PDE4D: variants seen among roughly 807,000 people sequenced by gnomAD.
The protein encoded by PDE4D is 3',5'-cyclic-AMP phosphodiesterase 4D.
Under a neutral mutation model 87.4 loss-of-function variants are expected in PDE4D, and 24 were observed. The ratio of observed to expected loss-of-function variants is 0.27; its 90% CI spans 0.20 to 0.39. PDE4D has a LOEUF of 0.39. Among genes scored for constraint, PDE4D ranks in the 10% least tolerant of loss-of-function variants. The pLI is 1.00. For missense variants in PDE4D, 714 were observed against 1,041.0 expected, an observed-to-expected ratio of 0.69 and a Z score of 4.32; for synonymous variants, 384 against 383.2, an observed-to-expected ratio of 1.00 and a Z score of -0.02.
chr5:60,096,241 C>T (rs753371083), intron 2 of PDE4D, among the ~76,000 whole-genome samples: 5 of 151,802 alleles, frequency 3.3e-5, no homozygotes, highest in Non-Finnish European at 5.9e-5. Context: ...AGAATAGAAG[C>T]CTCAGAAATA....
intron 1 of PDE4D, among the ~76,000 whole-genome samples, chr5:59,878,564 C>T (rs1229561198): frequency 6.6e-6 from 1 of 152,180 alleles, no homozygotes. Context: ...TCGCCCACCT[C>T]GGCCTCCCAA....
At chr5:60,504,108 C>A (rs1312638548) in intron 1 of PDE4D, among the ~76,000 whole-genome samples, 6 of 152,166 alleles carry the variant, frequency 3.9e-5, no homozygotes, top group African/African-American at 1.4e-4. Context: ...ATAAGGGCTT[C>A]CTATCCGACC....
intron 1 of PDE4D, among the ~76,000 whole-genome samples, chr5:60,240,593 C>T (rs1746988988): frequency 6.6e-6 from 1 of 152,120 alleles, no homozygotes; most frequent in South Asian, 2.1e-4. Flanking sequence ...CAGTGCTATG[C>T]TGGCTTCAAG....
intron 1 of PDE4D, chr5:59,430,611 G>T: frequency 2.6e-6 from 1 of 379,488 alleles, no homozygotes; most frequent in Non-Finnish European, 4.6e-6. Context: ...TGTTCATTCT[G>T]TTCATGGATA....
intron 1 of PDE4D, among the ~76,000 whole-genome samples, chr5:59,380,388 C>CAAAAAAAAAAA (rs10574102): frequency 3.7e-5 from 4 of 108,952 alleles, no homozygotes; most frequent in Non-Finnish European, 5.6e-5. Flanking sequence ...CAAAAGCAAT[C>CAAAAAAAAAAA]AAAAAAAAAA....
At chr5:59,985,790 T>G (rs1946682) in intron 3 of PDE4D, among the ~76,000 whole-genome samples, 131,616 of 152,224 alleles carry the variant, frequency 0.86, 56,957 homozygotes, top group East Asian at 0.97. Context: ...GCATACTCAA[T>G]TCTTGCAATT....
intron 1 of PDE4D, among the ~76,000 whole-genome samples, chr5:59,774,201 G>C (rs1212714242): frequency 1.3e-5 from 2 of 152,122 alleles, no homozygotes; most frequent in East Asian, 3.9e-4. Context: ...GTTTAACCTG[G>C]TTTTAATATG....
chr5:60,478,739 C>G (rs1334355346), intron 1 of PDE4D, among the ~76,000 whole-genome samples: 1 of 152,116 alleles, frequency 6.6e-6, no homozygotes, highest in Non-Finnish European at 1.5e-5. Flanking sequence ...AAGCAGACAC[C>G]AGAGGAATAC....
At chr5:59,356,335 C>T (rs1449350000) in intron 1 of PDE4D, among the ~76,000 whole-genome samples, 1 of 152,142 alleles carries the variant, frequency 6.6e-6, no homozygotes, top group Non-Finnish European at 1.5e-5. Context: ...TGAATTACTA[C>T]CTGAAACAGC....
At chr5:59,885,677 AT>A (rs1288909483) in intron 1 of PDE4D, among the ~76,000 whole-genome samples, 2 of 152,082 alleles carry the variant, frequency 1.3e-5, no homozygotes, top group Non-Finnish European at 2.9e-5. Flanking sequence ...ACTTCTCTAA[AT>A]TTACAAAGGG....
intron 1 of PDE4D, among the ~76,000 whole-genome samples, chr5:59,455,765 G>A (rs1229237686): frequency 6.6e-6 from 1 of 152,214 alleles, no homozygotes; most frequent in African/African-American, 2.4e-5. Flanking sequence ...GAGCCACAGG[G>A]GTGGAGCCGC....
At chr5:60,251,906 T>A (rs1422050851) in intron 1 of PDE4D, among the ~76,000 whole-genome samples, 2 of 151,974 alleles carry the variant, frequency 1.3e-5, no homozygotes, top group African/African-American at 4.8e-5. Flanking sequence ...GCTTCATTCA[T>A]GGTAAGTGTC....
intron 6 of PDE4D, among the ~76,000 whole-genome samples, chr5:59,020,997 C>T (rs1272832561): frequency 6.6e-6 from 1 of 152,062 alleles, no homozygotes; most frequent in African/African-American, 2.4e-5. Context: ...TCTAGTTTCC[C>T]CAGGAAGAGA....
At position 59,475,468 on chromosome 5, in the gene PDE4D, A is replaced by G. The variant is rs115659430; in HGVS notation, c.456-259500T>C. 3.6e-3 allele frequency among the ~76,000 whole-genome samples: 541 copies of G among 152,238 alleles called. 5 individuals carry two copies. Among genetic ancestry groups the G allele is most frequent in the African/African-American group, 0.013 (529 of 41,550 alleles). On this transcript the variant is annotated intron_variant, in intron 1 of 14. Transcript: ENST00000340635. The stretch of plus-strand genomic sequence containing the variant: ...TAGTCTTACTTTCACTCTCAAGTCA[A>G]TGTAGGAGATGGCAAGAATTTTTAC...
chr5:59,518,027 C>A (rs920578143), intron 1 of PDE4D, among the ~76,000 whole-genome samples: 1 of 152,116 alleles, frequency 6.6e-6, no homozygotes, highest in Admixed American at 6.6e-5. Flanking sequence ...TGTGCCTAAT[C>A]GTTTTATGAA....
At chr5:59,568,170 CA>C (rs1561225508) in intron 1 of PDE4D, among the ~76,000 whole-genome samples, 1 of 151,964 alleles carries the variant, frequency 6.6e-6, no homozygotes, top group South Asian at 2.1e-4. Context: ...ACAAAACAAA[CA>C]AAAAACAGAA....
intron 1 of PDE4D, among the ~76,000 whole-genome samples, chr5:59,492,716 T>G (rs953525889): frequency 1.3e-5 from 2 of 152,104 alleles, no homozygotes; most frequent in Admixed American, 6.5e-5. Flanking sequence ...GTTTAGGCTG[T>G]GTCCCCACCC....
At chr5:60,143,442 C>T (rs1437145876) in intron 2 of PDE4D, among the ~76,000 whole-genome samples, 1 of 152,120 alleles carries the variant, frequency 6.6e-6, no homozygotes, top group African/African-American at 2.4e-5. Flanking sequence ...TATATTTTTA[C>T]TCACTACCAA....
intron 1 of PDE4D, among the ~76,000 whole-genome samples, chr5:59,265,735 C>T (rs1323491687): frequency 6.6e-6 from 1 of 151,982 alleles, no homozygotes; most frequent in African/African-American, 2.4e-5. Flanking sequence ...CAAATTTAGG[C>T]AAGCCACTTT....
Sources: gnomAD v4.1 joint callset for allele counts (sites outside exome capture counted in the v4.1 genomes callset) on GRCh38, gnomAD v4.1.1 for gene constraint, MANE v1.5 for transcripts, NCBI Gene and HGNC (gene_info 2026-07-23, HGNC 2026-07-21) for gene names.